Variants in ALKAL2 observed in about 807,000 individuals in gnomAD.
ALKAL2 encodes AUG-alpha.
A neutral mutation model predicts 18.5 loss-of-function variants in ALKAL2; 8 were observed. The observed-to-expected ratio is 0.43, with a 90% CI of 0.25 to 0.78. The LOEUF (loss-of-function observed/expected upper bound fraction) is 0.78. Among genes scored for constraint, ALKAL2 ranks in the 30% least tolerant of loss-of-function variants. The probability of loss-of-function intolerance (pLI) is 0.22; values close to 1 mark genes in which losing one functional copy is unlikely to be tolerated. For missense variants in ALKAL2, 241 were observed against 211.2 expected, an observed-to-expected ratio of 1.14 and a Z score of -0.88; for synonymous variants, 135 against 95.8, an observed-to-expected ratio of 1.41 and a Z score of -2.39.
At position 286,411 on chromosome 2, in the gene ALKAL2, G is replaced by A; in HGVS notation, c.254-68C>T. 15 of 1,245,248 alleles carry A rather than the reference G, an allele frequency of 1.2e-5. No individual in the cohort carries two copies. In the South Asian group the frequency reaches 2.0e-4, roughly 17 times the overall value. 77.1% of individuals were successfully genotyped at this position (1,245,248 alleles called of 1,614,324 possible). On this transcript the variant is annotated intron_variant, in intron 2 of 5. Transcript: ENST00000403610. ...ATTTTTTAAAAATGTGATCTTAAGT[G>A]AATGTTGAAGAAAATTGGAGCTCCA...
Position 288,012 on chromosome 2 carries a change from C to T in ALKAL2, c.-58+1G>A. 1.6e-6 allele frequency: 2 copies of T among 1,226,832 alleles called. No homozygotes were observed. Among genetic ancestry groups the T allele is most frequent in the Non-Finnish European group, 2.0e-6 (2 of 986,406 alleles). The allele number at this position is 1,226,832 out of a possible 1,614,324, so 76.0% of individuals were successfully genotyped here. On this transcript the variant is annotated splice_donor_variant, in intron 1 of 5. Transcript: ENST00000403610. LOFTEE classifies it low-confidence loss of function (5UTR_SPLICE). ...CGCTGGCGCTGGACCCGGCCCCTCA[C>T]CTCCGCGGACCCCGAGGAACAAGCC... is the stretch of plus-strand genomic sequence containing the variant.
At position 279,890 on chromosome 2, in the gene ALKAL2, C is replaced by T. The variant is rs1670279904; in HGVS notation, c.*257G>A. 2.1e-6 allele frequency: 1 copy of T among 472,608 alleles called. No homozygotes were observed. The highest frequency in any genetic ancestry group is 4.3e-5 in the South Asian group (1 of 23,150). 29.3% of individuals were successfully genotyped at this position (472,608 alleles called of 1,614,324 possible). A position where few individuals can be genotyped will look rare whatever the true frequency, so the allele number is the denominator to read the frequency against. On this transcript the variant is annotated 3_prime_UTR_variant, in exon 6 of 6. Transcript: ENST00000403610. ...AAATATTCTGTGTTTTATAGCACTACACGTCAAATGTGGAGCATTCCTTTT... is the reference window on the plus strand; with the variant it reads ...AAATATTCTGTGTTTTATAGCACTATACGTCAAATGTGGAGCATTCCTTTT...
intron 4 of ALKAL2, among the ~76,000 whole-genome samples, chr2:285,393 A>G (rs958645101): frequency 1.3e-5 from 2 of 152,172 alleles, no homozygotes; most frequent in African/African-American, 4.8e-5. Context: ...CAGGATGCCT[A>G]GTGTTTCTGC....
chr2:287,862 A>G lies in ALKAL2; in HGVS notation c.-27T>C. On this transcript the variant is annotated 5_prime_UTR_variant, in exon 2 of 6. Coordinates refer to ENST00000403610, the MANE Select transcript of ALKAL2 (RefSeq NM_001002919.3). ...GTGCGCTCGGGGCCGCGGGGCTGGG[A>G]GACTCCGACACGCGCCGAGAGCTGG... The G allele has an allele frequency of 1.7e-5, 21 of 1,253,642 alleles. No individual in the cohort carries two copies. Among genetic ancestry groups the G allele is most frequent in the Non-Finnish European group, 2.1e-5 (21 of 1,004,030 alleles). 77.7% of individuals were successfully genotyped at this position (1,253,642 alleles called of 1,614,324 possible).
chr2:283,114 A>G lies in ALKAL2; in HGVS notation c.450T>C (p.Asp150=), dbSNP rs1253199817. The change falls in exon 5 of 6, where the codon GAT becomes GAC. Residue 150 remains aspartate (D), a synonymous_variant. Transcript: ENST00000403610. ...GTGTGTGTCTGTCCAAGCTTACCTT[A>G]TCCTCCATGCACACTGGACTGACAG... is the stretch of plus-strand genomic sequence containing the variant. The part of the protein sequence containing the change: ...RLAVSPVCME[D]KQ The G allele has an allele frequency of 6.2e-7, 1 of 1,611,964 alleles. No homozygotes were observed. Among genetic ancestry groups the G allele is most frequent in the Non-Finnish European group, 8.5e-7 (1 of 1,179,176 alleles).
At chr2:281,053 C>A (rs1670324437) in intron 5 of ALKAL2, among the ~76,000 whole-genome samples, 1 of 152,182 alleles carries the variant, frequency 6.6e-6, no homozygotes, top group Admixed American at 6.5e-5. Context: ...GGACACCTGC[C>A]CTGCCCTCTG....
intron 2 of ALKAL2, chr2:286,607 G>T: frequency 2.6e-6 from 1 of 389,398 alleles, no homozygotes; most frequent in Non-Finnish European, 4.5e-6. Flanking sequence ...TGCAGACAGA[G>T]ACCACGAAGT....
chr2:280,180 T>G, intron 5 of ALKAL2, 28 bp from the exon 6 acceptor site: 2 of 1,613,804 alleles, frequency 1.2e-6, no homozygotes. Flanking sequence ...GCGTGTGATA[T>G]GACTATCCAC....
intron 4 of ALKAL2, among the ~76,000 whole-genome samples, chr2:285,096 TGC>T (rs1484882801): frequency 6.6e-6 from 1 of 152,208 alleles, no homozygotes; most frequent in East Asian, 1.9e-4. Flanking sequence ...TGCATCTTTG[TGC>T]GGTGATGTGA....
At chr2:283,262 CATTT>C in intron 4 of ALKAL2, 87 bp from the exon 5 acceptor site, 3 of 1,526,720 alleles carry the variant, frequency 2.0e-6, no homozygotes, top group Admixed American at 4.2e-5. Context: ...CTACTAAAGC[CATTT>C]ATTTCTTCAA....
chr2:282,406 A>G (rs1203653409), intron 5 of ALKAL2, among the ~76,000 whole-genome samples: 3 of 152,244 alleles, frequency 2.0e-5, no homozygotes, highest in Admixed American at 6.5e-5. Context: ...GTGCCCACAT[A>G]TACAAGACAC....
chr2:287,650 G>C lies in ALKAL2; in HGVS notation c.186C>G (p.Leu62=), dbSNP rs772672777. ...HSAEHKGLQL[L]GRDCALGRAE... ...CGCGGCCCAGGGCGCAGTCCCGCCCGAGGAGCTGCAGGCCCTTGTGCTCCG... is the reference window on the plus strand; with the variant it reads ...CGCGGCCCAGGGCGCAGTCCCGCCCCAGGAGCTGCAGGCCCTTGTGCTCCG... Residue 62 remains leucine (L), a synonymous_variant, in exon 2 of 6, where the codon CTC becomes CTG. Coordinates refer to ENST00000403610, the MANE Select transcript of ALKAL2 (RefSeq NM_001002919.3). The C allele has an allele frequency of 6.1e-6, 9 of 1,482,012 alleles. No individual in the cohort carries two copies. The South Asian group carries it at 1.0e-4, about 17-fold the overall frequency. The allele number at this position is 1,482,012 out of a possible 1,614,324, so 91.8% of individuals were successfully genotyped here.
In ALKAL2 at chr2:287,597, G is replaced by T. The variant is rs764210417; in HGVS notation, c.239C>A (p.Pro80Gln). Residue 80 changes from proline to glutamine, a missense_variant, in exon 2 of 6, where the codon CCG becomes CAG. By Grantham distance (76) the Pro-to-Gln change is moderately conservative. Transcript: ENST00000403610. The part of the protein sequence containing the change: ...RAEAAGLGPS[P>Q]EQRVEIVPRD... ...GCCCCACTCACCCACTCGCTGCTCC[G>T]GCGAAGGCCCCAGCCCCGCCGCCTC... 6.8e-7 allele frequency: 1 copy of T among 1,465,084 alleles called. No individual in the cohort carries two copies. Among genetic ancestry groups the T allele is most frequent in the South Asian group, 1.3e-5 (1 of 75,778 alleles). The allele number at this position is 1,465,084 out of a possible 1,614,324, so 90.8% of individuals were successfully genotyped here. A position where few individuals can be genotyped will look rare whatever the true frequency, so the allele number is the denominator to read the frequency against.
chr2:287,385 G>A (rs1033063092), intron 2 of ALKAL2, 198 bp downstream of exon 2: 1 of 427,658 alleles, frequency 2.3e-6, no homozygotes, highest in Non-Finnish European at 3.9e-6. Flanking sequence ...CGCGCCAGAA[G>A]GAGACCAGGC....
At chr2:286,630 A>G (rs151168496) in intron 2 of ALKAL2, 1 of 318,270 alleles carries the variant, frequency 3.1e-6, no homozygotes, top group Admixed American at 4.7e-5. Context: ...CAGAGGTAAG[A>G]AAACTGTTTT....
rs1273413561 is a variant in ALKAL2, at chr2:279,743, C to CT, written c.*403dup. ...TTTTCATGCCGTTCCAAATAATACT[C>CT]TGAGAATTTAACAGTGAAAGTAATA... On this transcript the variant is annotated 3_prime_UTR_variant, in exon 6 of 6. Transcript: ENST00000403610. 5.7e-6 allele frequency: 1 copy of CT among 175,184 alleles called. No homozygotes were observed. The highest frequency in any genetic ancestry group is 2.4e-5 in the African/African-American group (1 of 42,420). 10.9% of individuals were successfully genotyped at this position (175,184 alleles called of 1,614,324 possible). A position where few individuals can be genotyped will look rare whatever the true frequency, so the allele number is the denominator to read the frequency against.
At position 279,951 on chromosome 2, in the gene ALKAL2, T is replaced by C. The variant is rs943380254; in HGVS notation, c.*196A>G. 30 of 598,088 alleles carry C rather than the reference T, an allele frequency of 5.0e-5. No individual in the cohort carries two copies. Among genetic ancestry groups the C allele is most frequent in the African/African-American group, 4.0e-4 (22 of 54,886 alleles). 37.0% of individuals were successfully genotyped at this position (598,088 alleles called of 1,614,324 possible). On this transcript the variant is annotated 3_prime_UTR_variant, in exon 6 of 6. Transcript: ENST00000403610. ...TTTAAATAAGTGACAGATAACACTGTCAAGTACACTGATTTATCGAATATA... is the reference window on the plus strand; with the variant it reads ...TTTAAATAAGTGACAGATAACACTGCCAAGTACACTGATTTATCGAATATA...
chr2:287,759 G>A lies in ALKAL2; in HGVS notation c.77C>T (p.Ala26Val). ...TCCGTCCGCCGGCTCCCGGGGCTCCGCGCCCCCCCGGCCGCGCCCCGCCGC... is the reference window on the plus strand; with the variant it reads ...TCCGTCCGCCGGCTCCCGGGGCTCCACGCCCCCCCGGCCGCGCCCCGCCGC... The part of the protein sequence containing the change: ...LGAAGRGRGG[A>V]EPREPADGQA... The change falls in exon 2 of 6, where the codon GCG becomes GTG. Residue 26 changes from alanine to valine, a missense_variant. Physicochemically the swap from Ala to Val is moderately conservative, Grantham distance 64 (BLOSUM62 0). Coordinates refer to ENST00000403610, the MANE Select transcript of ALKAL2 (RefSeq NM_001002919.3). 6.9e-7 allele frequency: 1 copy of A among 1,440,302 alleles called. No individual in the cohort carries two copies. Among genetic ancestry groups the A allele is most frequent in the East Asian group, 3.1e-5 (1 of 32,762 alleles). 89.2% of individuals were successfully genotyped at this position (1,440,302 alleles called of 1,614,324 possible).
chr2:281,715 GT>G (rs1670360903), intron 5 of ALKAL2, among the ~76,000 whole-genome samples: 1 of 151,786 alleles, frequency 6.6e-6, no homozygotes, highest in South Asian at 2.1e-4. Context: ...CTCCTCACTT[GT>G]AAGTAAGTGG....
Sources: allele counts gnomAD v4.1 joint callset (sites outside exome capture counted in the v4.1 genomes callset), GRCh38; gene constraint gnomAD v4.1.1; transcripts MANE v1.5; gene names NCBI Gene and HGNC (gene_info 2026-07-23, HGNC 2026-07-21).